Variants in ESF1 observed in about 807,000 individuals in gnomAD.
ESF1 encodes the protein ESF1 nucleolar pre-rRNA processing protein.
ESF1 carries 58 observed loss-of-function variants against 92.0 expected under a neutral mutation model. The ratio of observed to expected loss-of-function variants is 0.63; its 90% CI spans 0.51 to 0.78. The LOEUF (loss-of-function observed/expected upper bound fraction) is 0.78, where lower values mean the gene tolerates loss of function less well. Ranked by LOEUF, ESF1 falls within the 30% of genes least tolerant of loss-of-function variation. The probability of loss-of-function intolerance (pLI) is 0.00; values close to 1 mark genes in which losing one functional copy is unlikely to be tolerated. For missense variants in ESF1, 922 were observed against 989.1 expected (o/e 0.93, Z 0.91); for synonymous variants, 321 against 313.7 (o/e 1.02, Z -0.24).
intron 10 of ESF1, among the ~76,000 whole-genome samples, chr20:13,729,238 C>T (rs1398327952): frequency 6.6e-6 from 1 of 152,208 alleles, no homozygotes; most frequent in Non-Finnish European, 1.5e-5. Flanking sequence ...AGTCTGGCGA[C>T]AGAGCGAGAC....
In ESF1 at chr20:13,771,417, G is replaced by A; in HGVS notation, c.1317C>T (p.Asp439=). 6.2e-7 allele frequency: 1 copy of A among 1,612,544 alleles called. No individual in the cohort carries two copies. The highest frequency in any genetic ancestry group is 8.5e-7 in the Non-Finnish European group (1 of 1,178,834). Residue 439 remains aspartate, a synonymous_variant, in exon 6 of 14, where the codon GAC becomes GAT. Coordinates refer to ENST00000617257, the MANE Select transcript of ESF1 (RefSeq NM_001276380.2). ...TACTAGCTGTTTCCGGAGAATCACA[G>A]TCTACTACTGCATAATAGTACTTCA... The part of the protein sequence containing the change: ...KRLKYYYAVV[D]CDSPETASKI...
intron 13 of ESF1, 27 bp downstream of exon 13, chr20:13,717,341 G>C (rs2049835944): frequency 6.2e-7 from 1 of 1,610,262 alleles, no homozygotes; most frequent in African/African-American, 1.3e-5. Flanking sequence ...CCAGCTTTAA[G>C]AGGCTATGCC....
intron 1 of ESF1, among the ~76,000 whole-genome samples, chr20:13,783,684 G>C (rs1351389098): frequency 6.6e-6 from 1 of 152,112 alleles, no homozygotes; most frequent in Admixed American, 6.6e-5. Flanking sequence ...GCATGGTGGC[G>C]CGCGCCTGTA....
At chr20:13,770,551 T>C (rs577241200) in intron 6 of ESF1, among the ~76,000 whole-genome samples, 1 of 152,360 alleles carries the variant, frequency 6.6e-6, no homozygotes, top group East Asian at 1.9e-4. Flanking sequence ...TCTCACTATG[T>C]TGCCCAGGCT....
chr20:13,773,814 G>A (rs1342654476), intron 4 of ESF1, among the ~76,000 whole-genome samples: 1 of 152,158 alleles, frequency 6.6e-6, no homozygotes, highest in African/African-American at 2.4e-5. Context: ...AGCTAGTCTA[G>A]GCCAGGCGCG....
Position 13,716,804 on chromosome 20 carries a change from A to ATTTTTT in ESF1, c.2262+558_2262+563dup, listed in dbSNP as rs71188180. ...TACAGGTGTGCGCCACTATACCTGG[A>ATTTTTT]TTTTTTTTTTTTTTTTTTTTTTTTT... On this transcript the variant is annotated intron_variant, in intron 13 of 13. Coordinates refer to ENST00000617257, the MANE Select transcript of ESF1 (RefSeq NM_001276380.2). 3.3e-3 allele frequency among the ~76,000 whole-genome samples: 152 copies of ATTTTTT among 45,912 alleles called. 9 individuals carry two copies. Among genetic ancestry groups the ATTTTTT allele is most frequent in the Non-Finnish European group, 3.3e-3 (82 of 24,844 alleles). The allele number at this position is 45,912 out of a possible 152,430, so 30.1% of individuals were successfully genotyped here.
chr20:13,778,369 G>A (rs948687132), intron 2 of ESF1, among the ~76,000 whole-genome samples: 19 of 151,742 alleles, frequency 1.3e-4, no homozygotes, highest in Non-Finnish European at 2.5e-4. Flanking sequence ...TAAGCAACAA[G>A]CTTAGAAATA....
At chr20:13,782,352 G>A (rs1057149701) in intron 2 of ESF1, 152 bp downstream of exon 2, 2 of 623,242 alleles carry the variant, frequency 3.2e-6, no homozygotes, top group South Asian at 4.8e-5. Flanking sequence ...AATAATCACT[G>A]CATATTTCTT....
chr20:13,730,385 C>CTTT (rs761416984), intron 10 of ESF1, among the ~76,000 whole-genome samples: 2 of 134,190 alleles, frequency 1.5e-5, no homozygotes, highest in Non-Finnish European at 1.6e-5. Flanking sequence ...AGAACAAGTG[C>CTTT]TTTTTTTTTT....
intron 2 of ESF1, among the ~76,000 whole-genome samples, chr20:13,781,427 T>C (rs538719678): frequency 6.6e-6 from 1 of 152,350 alleles, no homozygotes; most frequent in East Asian, 1.9e-4. Flanking sequence ...TTAATGTGGT[T>C]ACTAGAAAAT....
At chr20:13,781,591 G>A (rs1203466497) in intron 2 of ESF1, among the ~76,000 whole-genome samples, 1 of 152,194 alleles carries the variant, frequency 6.6e-6, no homozygotes, top group Non-Finnish European at 1.5e-5. Context: ...GCACTCTGGA[G>A]GGGGCTGTGT....
In ESF1 at chr20:13,749,232, ATTTTTTTTTTTT is replaced by A. The variant is rs71188184; in HGVS notation, c.1828+10448_1828+10459del. 2.2e-3 allele frequency among the ~76,000 whole-genome samples: 193 copies of A among 89,688 alleles called. 1 individual carries two copies. Among genetic ancestry groups the A allele is most frequent in the African/African-American group, 7.5e-3 (179 of 23,718 alleles). 58.8% of individuals were successfully genotyped at this position (89,688 alleles called of 152,430 possible). A position where few individuals can be genotyped will look rare whatever the true frequency, so the allele number is the denominator to read the frequency against. On this transcript the variant is annotated intron_variant, in intron 9 of 13. Coordinates refer to ENST00000617257, the MANE Select transcript of ESF1 (RefSeq NM_001276380.2). ...AGGCACCTGCCATCATGCCCGGCTA[ATTTTTTTTTTTT>A]TTTTTTTTTTTTTTGTATTTTTGTA...
At chr20:13,752,605 A>T (rs1978690135) in intron 9 of ESF1, among the ~76,000 whole-genome samples, 1 of 152,230 alleles carries the variant, frequency 6.6e-6, no homozygotes, top group Non-Finnish European at 1.5e-5. Context: ...AATGCTTGAA[A>T]CTGGGCTGCC....
intron 9 of ESF1, among the ~76,000 whole-genome samples, chr20:13,748,471 TATATACAC>T (rs755477826): frequency 4.5e-4 from 65 of 144,848 alleles, no homozygotes; most frequent in African/African-American, 6.5e-4. Flanking sequence ...TATATACACA[TATATACAC>T]ATATACACAT....
intron 7 of ESF1, among the ~76,000 whole-genome samples, chr20:13,768,975 C>A (rs979975835): frequency 1.3e-5 from 2 of 150,488 alleles, no homozygotes; most frequent in Non-Finnish European, 3.0e-5. Context: ...TAGACAAAAA[C>A]CTTTTGGCTA....
intron 1 of ESF1, among the ~76,000 whole-genome samples, chr20:13,784,588 C>T (rs2147460415): frequency 6.6e-6 from 1 of 152,282 alleles, no homozygotes; most frequent in East Asian, 1.9e-4. Context: ...CCACCCTCCC[C>T]TTCTGCCCGC....
intron 3 of ESF1, among the ~76,000 whole-genome samples, chr20:13,775,612 G>A (rs991093781): frequency 1.3e-5 from 2 of 152,068 alleles, no homozygotes; most frequent in Admixed American, 6.5e-5. Flanking sequence ...TTTGGGTGCC[G>A]TACAAACAGA....
rs1979873060 is a variant in ESF1 at position 13,775,206 on chromosome 20, G to A, written c.1100C>T (p.Ala367Val). Residue 367 changes from alanine (A) to valine (V), a missense_variant, in exon 4 of 14, where the codon GCT becomes GTT. Ala to Val is a moderately conservative substitution (Grantham distance 64). Coordinates refer to ENST00000617257, the MANE Select transcript of ESF1 (RefSeq NM_001276380.2). The part of the protein sequence containing the change: ...WDRLKAKDLL[A>V]LFNSFKPKGG... Reference sequence around the variant, plus strand: ...TTTGGGTTTAAATGAATTGAACAGAGCCAGCAAATCTTTTGCCTTTAATCT... The same window carrying A: ...TTTGGGTTTAAATGAATTGAACAGAACCAGCAAATCTTTTGCCTTTAATCT... The A allele has an allele frequency of 1.9e-6, 3 of 1,610,856 alleles. No individual in the cohort carries two copies. The highest frequency in any genetic ancestry group is 1.7e-5 in the Admixed American group (1 of 59,148).
chr20:13,742,626 T>C (rs1405811737), intron 9 of ESF1, among the ~76,000 whole-genome samples: 1 of 151,922 alleles, frequency 6.6e-6, no homozygotes, highest in Admixed American at 6.6e-5. Context: ...TAAGAACAAC[T>C]GAAATGTGAC....
Sources: allele counts gnomAD v4.1 joint callset (sites outside exome capture counted in the v4.1 genomes callset), GRCh38; gene constraint gnomAD v4.1.1; transcripts MANE v1.5; gene names NCBI Gene and HGNC (gene_info 2026-07-23, HGNC 2026-07-21).